PDZRN4: variants seen among roughly 807,000 people sequenced by gnomAD.
PDZRN4 encodes PDZ domain containing ring finger 4.
A neutral mutation model predicts 99.0 loss-of-function variants in PDZRN4; 70 were observed. That is an observed-to-expected ratio of 0.71 (90% CI 0.58 to 0.86). PDZRN4 has a LOEUF of 0.86. PDZRN4 is among the 40% of genes least tolerant of loss of function. PDZRN4 has a pLI of 0.00. For synonymous variants in PDZRN4, 551 were observed against 501.6 expected, an observed-to-expected ratio of 1.10 and a Z score of -1.32; for missense variants, 1,474 against 1,331.2, an observed-to-expected ratio of 1.11 and a Z score of -1.67.
At position 41,506,679 on chromosome 12, in the gene PDZRN4, T is replaced by C; in HGVS notation, c.1067T>C (p.Val356Ala). The C allele has an allele frequency of 6.2e-7, 1 of 1,613,684 alleles. No individual in the cohort carries two copies. Among genetic ancestry groups the C allele is most frequent in the Non-Finnish European group, 8.5e-7 (1 of 1,179,718 alleles). ...AAGCTTCGTCCACCTACCCCTCCAG[T>C]GCCAGACATCTGTCCATTCCTGCTC... ...LAKLRPPTPP[V>A]PDICPFLLSD... Residue 356 changes from valine (V) to alanine (A), a missense_variant, in exon 4 of 10, where the codon GTG becomes GCG. Transcript: ENST00000402685.
intron 3 of PDZRN4, among the ~76,000 whole-genome samples, chr12:41,282,948 A>G (rs1951398423): frequency 6.6e-6 from 1 of 152,216 alleles, no homozygotes; most frequent in Non-Finnish European, 1.5e-5. Flanking sequence ...ACACCCTAAC[A>G]TAGCAATTAA....
chr12:41,280,526 G>A (rs1175566777), intron 3 of PDZRN4, among the ~76,000 whole-genome samples: 3 of 152,128 alleles, frequency 2.0e-5, no homozygotes, highest in East Asian at 1.9e-4. Flanking sequence ...AGCTTGGTGC[G>A]GGGAGGGGCG....
intron 1 of PDZRN4, among the ~76,000 whole-genome samples, chr12:41,190,058 C>T (rs543010012): frequency 2.5e-4 from 38 of 152,290 alleles, no homozygotes; most frequent in Middle Eastern, 3.4e-3. Flanking sequence ...TGGTCGCTGC[C>T]ATGGTGAGCA....
At chr12:41,198,723 CACATTGTGCA>C (rs915981788) in intron 3 of PDZRN4, among the ~76,000 whole-genome samples, 61 of 151,494 alleles carry the variant, frequency 4.0e-4, no homozygotes, top group African/African-American at 1.4e-3. Context: ...AACTAACCTG[CACATTGTGCA>C]CATGTACCCT....
At chr12:41,327,922 G>A (rs1213696758) in intron 3 of PDZRN4, among the ~76,000 whole-genome samples, 1 of 152,006 alleles carries the variant, frequency 6.6e-6, no homozygotes, top group African/African-American at 2.4e-5. Flanking sequence ...AAATATATTT[G>A]TTTTAGTCTT....
chr12:41,204,360 A>G (rs946131129), intron 3 of PDZRN4, among the ~76,000 whole-genome samples: 7 of 151,982 alleles, frequency 4.6e-5, no homozygotes, highest in African/African-American at 1.4e-4. Flanking sequence ...TGGACAGGAG[A>G]GTTCCTTAAG....
chr12:41,484,455 T>C (rs943372944), intron 3 of PDZRN4, among the ~76,000 whole-genome samples: 8 of 152,110 alleles, frequency 5.3e-5, no homozygotes, highest in African/African-American at 1.9e-4. Context: ...GCTATGTGAG[T>C]TTAGGTAAGT....
chr12:41,438,160 G>T, intron 3 of PDZRN4: 1 of 836,520 alleles, frequency 1.2e-6, no homozygotes, highest in Non-Finnish European at 1.9e-6. Flanking sequence ...TTTTAATTTT[G>T]GTTTTGGGTG....
At chr12:41,213,798 A>G (rs1277123786) in intron 3 of PDZRN4, among the ~76,000 whole-genome samples, 1 of 152,034 alleles carries the variant, frequency 6.6e-6, no homozygotes, top group Admixed American at 6.6e-5. Context: ...AAAATAGCAC[A>G]GAGCATTGGT....
At chr12:41,344,164 A>C (rs939343544) in intron 3 of PDZRN4, among the ~76,000 whole-genome samples, 7 of 152,142 alleles carry the variant, frequency 4.6e-5, no homozygotes, top group Admixed American at 3.9e-4. Context: ...AGAATAGCAG[A>C]CAGAGTTCAA....
At chr12:41,206,342 G>T (rs76822779) in intron 3 of PDZRN4, among the ~76,000 whole-genome samples, 1 of 151,826 alleles carries the variant, frequency 6.6e-6, no homozygotes, top group African/African-American at 2.4e-5. Flanking sequence ...TACTTGCAAA[G>T]ACTTGGTATT....
chr12:41,274,247 T>C (rs1249898013), intron 3 of PDZRN4, among the ~76,000 whole-genome samples: 1 of 152,142 alleles, frequency 6.6e-6, no homozygotes, highest in African/African-American at 2.4e-5. Context: ...AAATATGTTT[T>C]ATTAATAACC....
chr12:41,356,014 G>A (rs1010946784), intron 3 of PDZRN4, among the ~76,000 whole-genome samples: 2 of 151,922 alleles, frequency 1.3e-5, no homozygotes, highest in South Asian at 4.1e-4. Context: ...ATCCTCTTTT[G>A]TTTTTATTTA....
intron 5 of PDZRN4, among the ~76,000 whole-genome samples, chr12:41,525,920 T>C (rs1938560385): frequency 6.6e-6 from 1 of 152,200 alleles, no homozygotes; most frequent in African/African-American, 2.4e-5. Flanking sequence ...CCAAACATCG[T>C]AAAATAGTAC....
chr12:41,195,475 T>C (rs1950764738), intron 3 of PDZRN4, among the ~76,000 whole-genome samples: 1 of 152,132 alleles, frequency 6.6e-6, no homozygotes, highest in African/African-American at 2.4e-5. Flanking sequence ...GAATTTTTAA[T>C]GAATCGACAT....
intron 3 of PDZRN4, chr12:41,460,184 G>A (rs1373630803): frequency 3.8e-6 from 3 of 792,346 alleles, no homozygotes; most frequent in Non-Finnish European, 5.2e-6. Context: ...TTTAACAAGA[G>A]TTTATTCCTA....
intron 3 of PDZRN4, chr12:41,437,705 T>G: frequency 7.1e-7 from 1 of 1,413,616 alleles, no homozygotes. Context: ...TGCCATGAAC[T>G]GACTGGAAAC....
At position 41,456,122 on chromosome 12, in the gene PDZRN4, A is replaced by G. The variant is rs866246267; in HGVS notation, c.844-50334A>G. On this transcript the variant is annotated intron_variant, in intron 3 of 9. Transcript: ENST00000402685. ...GCTTCCAGTCTCTAAGCTTCAAGCC[A>G]TCGTCCACCCTGCTGCCAGTACATT... Among the ~76,000 whole-genome samples, 4 of 152,172 alleles carry G rather than the reference A, an allele frequency of 2.6e-5. No individual in the cohort carries two copies. The South Asian group carries it at 8.3e-4, about 32-fold the overall frequency.
intron 3 of PDZRN4, among the ~76,000 whole-genome samples, chr12:41,476,003 C>T (rs1476929131): frequency 6.6e-6 from 1 of 152,052 alleles, no homozygotes; most frequent in East Asian, 1.9e-4. Context: ...TCCTTAGCAC[C>T]CAGCAAACCT....
Sources: allele counts gnomAD v4.1 joint callset (sites outside exome capture counted in the v4.1 genomes callset), GRCh38; gene constraint gnomAD v4.1.1; transcripts MANE v1.5; gene names NCBI Gene and HGNC (gene_info 2026-07-23, HGNC 2026-07-21).